The following PCDHA4 variants were observed in gnomAD, a reference collection of about 807,000 sequenced individuals.
The protein encoded by PCDHA4 is protocadherin alpha-4.
In PCDHA4, 49 loss-of-function variants were observed where a neutral mutation model predicts 61.4. That is an observed-to-expected ratio of 0.80 (90% CI 0.63 to 1.01). The LOEUF (loss-of-function observed/expected upper bound fraction) is 1.01, where lower values mean the gene tolerates loss of function less well. PCDHA4 is among the 50% of genes least tolerant of loss of function. PCDHA4 has a pLI of 0.00. For synonymous variants in PCDHA4, 590 were observed against 550.3 expected, an observed-to-expected ratio of 1.07 and a Z score of -1.01; for missense variants, 1,254 against 1,235.8, an observed-to-expected ratio of 1.01 and a Z score of -0.22.
At chr5:140,850,006 T>G (rs2150463121) in intron 1 of PCDHA4, 1 of 1,596,968 alleles carries the variant, frequency 6.3e-7, no homozygotes, top group Non-Finnish European at 8.6e-7. Flanking sequence ...GAGCGCTCGC[T>G]GTCGAGCTAC....
chr5:140,843,369 C>T lies in PCDHA4; in HGVS notation c.2385+33797C>T, dbSNP rs2150358449. 7 of 1,595,922 alleles carry T rather than the reference C, an allele frequency of 4.4e-6. No individual in the cohort carries two copies. Among genetic ancestry groups the T allele is most frequent in the African/African-American group, 1.3e-5 (1 of 74,440 alleles). ...GCTCCAAAAGCGTCATCGAGGCAGT[C>T]GGCTGGCGTTTTGGGTCCGGAAGCG... On this transcript the variant is annotated intron_variant, in intron 1 of 3. Transcript: ENST00000530339.
At chr5:140,888,558 C>G (rs782768307) in intron 1 of PCDHA4, among the ~76,000 whole-genome samples, 1 of 152,188 alleles carries the variant, frequency 6.6e-6, no homozygotes, top group Non-Finnish European at 1.5e-5. Flanking sequence ...TTATTCCTTT[C>G]AAGGCTTCAT....
intron 1 of PCDHA4, chr5:140,824,242 G>A: frequency 1.3e-6 from 2 of 1,484,524 alleles, no homozygotes; most frequent in East Asian, 2.3e-5. Flanking sequence ...AAATATTGTG[G>A]TACACAATTA....
chr5:140,968,234 A>T (rs1426230655), intron 1 of PCDHA4: 1 of 1,613,870 alleles, frequency 6.2e-7, no homozygotes, highest in Non-Finnish European at 8.5e-7. Flanking sequence ...GTTGCTCTGT[A>T]CTGTGCAAGC....
intron 1 of PCDHA4, among the ~76,000 whole-genome samples, chr5:140,892,143 C>T (rs983937899): frequency 3.3e-5 from 5 of 152,262 alleles, no homozygotes; most frequent in African/African-American, 9.6e-5. Flanking sequence ...ATGGTTTTAG[C>T]GTCTATTTCT....
intron 1 of PCDHA4, chr5:140,865,310 G>T (rs1315373536): frequency 3.9e-5 from 6 of 152,276 alleles, no homozygotes; most frequent in African/African-American, 1.4e-4. Flanking sequence ...AATTACAAAT[G>T]AGATGGCCTT....
At chr5:140,851,660 T>G in intron 1 of PCDHA4, 1 of 914,450 alleles carries the variant, frequency 1.1e-6, no homozygotes, top group African/African-American at 1.8e-5. Flanking sequence ...GACATTCTCC[T>G]TTTAATTGAA....
At chr5:140,928,676 G>A in intron 1 of PCDHA4, 2 of 1,614,166 alleles carry the variant, frequency 1.2e-6, no homozygotes, top group East Asian at 2.2e-5. Context: ...TCTAATGCCT[G>A]GCTTTCCTAC....
intron 1 of PCDHA4, among the ~76,000 whole-genome samples, chr5:140,855,055 T>C (rs562005171): frequency 2.0e-5 from 3 of 150,120 alleles, no homozygotes; most frequent in African/African-American, 7.3e-5. Flanking sequence ...AGTACTTTTC[T>C]GTTTTCTTAA....
chr5:140,870,237 A>C, intron 1 of PCDHA4: 1 of 1,614,180 alleles, frequency 6.2e-7, no homozygotes, highest in South Asian at 1.1e-5. Flanking sequence ...ACCGTGACTC[A>C]GGTGTCAACG....
At chr5:140,987,232 A>G (rs1554248942) in intron 3 of PCDHA4, among the ~76,000 whole-genome samples, 1 of 151,894 alleles carries the variant, frequency 6.6e-6, no homozygotes, top group African/African-American at 2.4e-5. Flanking sequence ...AAAAAATAAT[A>G]AATAAAGAAA....
At chr5:140,947,439 G>C (rs2094135272) in intron 1 of PCDHA4, among the ~76,000 whole-genome samples, 1 of 151,638 alleles carries the variant, frequency 6.6e-6, no homozygotes, top group African/African-American at 2.4e-5. Flanking sequence ...AAAATCAGCT[G>C]TGAAATCCTC....
At position 140,978,795 on chromosome 5, in the gene PCDHA4, G is replaced by A. The variant is rs1437973642; in HGVS notation, c.2386-154G>A. 3 of 979,120 alleles carry A rather than the reference G, an allele frequency of 3.1e-6. No individual in the cohort carries two copies. The African/African-American group carries it at 5.3e-5, about 17-fold the overall frequency. The allele number at this position is 979,120 out of a possible 1,614,324, so 60.7% of individuals were successfully genotyped here. On this transcript the variant is annotated intron_variant, in intron 1 of 3. Coordinates refer to ENST00000530339, the MANE Select transcript of PCDHA4 (RefSeq NM_018907.4). ...AATTTTCTTCTAAAGTGCTATATAT[G>A]TAGATATCATCATAGAGTTACACAT...
intron 1 of PCDHA4, among the ~76,000 whole-genome samples, chr5:140,942,047 T>C (rs2093223138): frequency 6.6e-6 from 1 of 152,228 alleles, no homozygotes; most frequent in African/African-American, 2.4e-5. Context: ...TGGTCTATTA[T>C]GAAATGTTTG....
intron 1 of PCDHA4, chr5:140,822,064 C>T: frequency 6.2e-7 from 1 of 1,614,194 alleles, no homozygotes; most frequent in Non-Finnish European, 8.5e-7. Context: ...GCTGTGCCGG[C>T]GGAGGGCGGA....
At position 140,822,235 on chromosome 5, in the gene PCDHA4, G is replaced by A. The variant is rs1554128532; in HGVS notation, c.2385+12663G>A. 2.5e-6 allele frequency: 4 copies of A among 1,614,250 alleles called. No individual in the cohort carries two copies. The highest frequency in any genetic ancestry group is 3.4e-6 in the Non-Finnish European group (4 of 1,180,040). On this transcript the variant is annotated intron_variant, in intron 1 of 3. Transcript: ENST00000530339. ...AATGCCAGATTCGCGGTTTCCGCTAGAGGGCGCGTCGGATTTGGATATTGG... is the reference window on the plus strand; with the variant it reads ...AATGCCAGATTCGCGGTTTCCGCTAAAGGGCGCGTCGGATTTGGATATTGG...
intron 1 of PCDHA4, chr5:140,829,231 T>A (rs2150164314): frequency 3.7e-6 from 6 of 1,614,244 alleles, no homozygotes; most frequent in Non-Finnish European, 5.1e-6. Context: ...TCGATTCAGG[T>A]GCCAACGGGC....
rs2056928091 is a variant in PCDHA4 at position 140,877,191 on chromosome 5, A to C, written c.2385+67619A>C. 3 of 1,613,798 alleles carry C rather than the reference A, an allele frequency of 1.9e-6. No individual in the cohort carries two copies. The South Asian group carries it at 3.3e-5, about 18-fold the overall frequency. Reference sequence around the variant, plus strand: ...TGCTGGCGACTCCGGCTGGCAGCGCAGGAGGCGCAGTTAGCGAGTTGGTAC... The same window carrying C: ...TGCTGGCGACTCCGGCTGGCAGCGCCGGAGGCGCAGTTAGCGAGTTGGTAC... On this transcript the variant is annotated intron_variant, in intron 1 of 3. Transcript: ENST00000530339.
rs138272102 is a variant in PCDHA4 at position 140,809,263 on chromosome 5, G to T, written c.2076G>T (p.Ala692=). The change falls in exon 1 of 4, where the codon GCG becomes GCT. Residue 692 remains alanine (A), a synonymous_variant. Coordinates refer to ENST00000530339, the MANE Select transcript of PCDHA4 (RefSeq NM_018907.4). ...TGGGCGCTGTGGGTCCCGATGCTGC[G>T]CTGGTGGATGTCAACGTATACCTGA... ...ALVGAVGPDA[A]LVDVNVYLII... is the part of the protein sequence containing the mutation. 8 of 1,613,992 alleles carry T rather than the reference G, an allele frequency of 5.0e-6. No individual in the cohort carries two copies. Among genetic ancestry groups the T allele is most frequent in the African/African-American group, 4.0e-5 (3 of 74,946 alleles).
Sources: gnomAD v4.1 joint callset for allele counts (sites outside exome capture counted in the v4.1 genomes callset) on GRCh38, gnomAD v4.1.1 for gene constraint, MANE v1.5 for transcripts, NCBI Gene and HGNC (gene_info 2026-07-23, HGNC 2026-07-21) for gene names.